CRADD: variants seen among roughly 807,000 people sequenced by gnomAD.
CRADD encodes the protein CARD and death domain containing adaptor protein, also known as death domain-containing protein CRADD.
Under a neutral mutation model 15.5 loss-of-function variants are expected in CRADD, and 9 were observed. The ratio of observed to expected loss-of-function variants is 0.58; its 90% CI spans 0.35 to 1.01. CRADD has a LOEUF of 1.01. Ranked by LOEUF, CRADD falls within the 50% of genes least tolerant of loss-of-function variation. CRADD has a pLI of 0.02. For synonymous variants in CRADD, 118 were observed against 107.6 expected (o/e 1.10, Z -0.60); for missense variants, 227 against 250.3 (o/e 0.91, Z 0.63).
rs746253043 is a variant in CRADD at position 93,846,581 on chromosome 12, AACAC to A, written c.299-3348_299-3345del. 9.1e-3 allele frequency: 1,238 copies of A among 136,718 alleles called. 8 individuals are homozygous for A. The highest frequency in any genetic ancestry group is 0.018 in the African/African-American group (641 of 35,792). The allele number at this position is 136,718 out of a possible 1,614,324, so 8.5% of individuals were successfully genotyped here. ...AAACACAATACAACGTTAAAACCAGAACACACACACACACACACACACACACACA... is the reference window on the plus strand; with the variant it reads ...AAACACAATACAACGTTAAAACCAGAACACACACACACACACACACACACA... On this transcript the variant is annotated intron_variant, in intron 2 of 2. Coordinates refer to ENST00000332896, the MANE Select transcript of CRADD (RefSeq NM_003805.5).
intron 2 of CRADD, among the ~76,000 whole-genome samples, chr12:93,756,908 C>G (rs559659519): frequency 2.0e-5 from 3 of 152,162 alleles, no homozygotes; most frequent in Non-Finnish European, 4.4e-5. Flanking sequence ...GTCTTGAGCA[C>G]TGTCTTGAGG....
At chr12:93,875,465 G>A (rs1025709237) in intron 2 of CRADD, among the ~76,000 whole-genome samples, 9 of 142,492 alleles carry the variant, frequency 6.3e-5, no homozygotes, top group Non-Finnish European at 1.0e-4. Context: ...GTTGTTTTGT[G>A]GTCTTCTCTT....
intron 2 of CRADD, among the ~76,000 whole-genome samples, chr12:93,747,411 C>G (rs1956770126): frequency 6.6e-6 from 1 of 151,760 alleles, no homozygotes; most frequent in African/African-American, 2.4e-5. Flanking sequence ...TTCCTTCTCC[C>G]TTATTCATTT....
chr12:93,892,264 A>G (rs929730672), intron 2 of CRADD, among the ~76,000 whole-genome samples: 4 of 152,090 alleles, frequency 2.6e-5, no homozygotes, highest in African/African-American at 9.7e-5. Flanking sequence ...TTAAATTTCA[A>G]TATTTTGATA....
intron 2 of CRADD, among the ~76,000 whole-genome samples, chr12:93,890,061 C>T (rs1204221645): frequency 1.3e-5 from 2 of 152,112 alleles, no homozygotes; most frequent in Non-Finnish European, 2.9e-5. Context: ...TTTTGAAAAC[C>T]GATAGTTTAG....
At chr12:93,864,703 C>T (rs1426400988) in intron 2 of CRADD, among the ~76,000 whole-genome samples, 1 of 152,150 alleles carries the variant, frequency 6.6e-6, no homozygotes, top group East Asian at 1.9e-4. Context: ...TCATGATTAA[C>T]GAAGGTCTCA....
chr12:93,713,622 G>GT (rs931236801), intron 2 of CRADD, among the ~76,000 whole-genome samples: 14 of 142,062 alleles, frequency 9.9e-5, no homozygotes, highest in East Asian at 7.0e-4. Flanking sequence ...TTTTCTTAAC[G>GT]TTTTTTTTAA....
chr12:93,781,092 A>G (rs1957205302), intron 2 of CRADD, among the ~76,000 whole-genome samples: 2 of 152,042 alleles, frequency 1.3e-5, no homozygotes, highest in Non-Finnish European at 2.9e-5. Flanking sequence ...TCTTTGAACC[A>G]TCTAGAGCAA....
chr12:93,800,385 C>T (rs745706718), intron 2 of CRADD, among the ~76,000 whole-genome samples: 8 of 152,012 alleles, frequency 5.3e-5, no homozygotes, highest in Admixed American at 2.0e-4. Context: ...TGGATGGTAC[C>T]CACCTACATT....
At chr12:93,679,665 T>C (rs1955239338) in intron 2 of CRADD, among the ~76,000 whole-genome samples, 1 of 152,192 alleles carries the variant, frequency 6.6e-6, no homozygotes, top group Admixed American at 6.5e-5. Flanking sequence ...ACCTGGCATG[T>C]CACTTGGGAA....
rs531507596 is a variant in CRADD at position 93,824,967 on chromosome 12, C to G, written c.299-25003C>G. Among the ~76,000 whole-genome samples the G allele has an allele frequency of 6.6e-6, 1 of 152,324 alleles. No individual in the cohort carries two copies. The highest frequency in any genetic ancestry group is 2.4e-5 in the African/African-American group (1 of 41,562). On this transcript the variant is annotated intron_variant, in intron 2 of 2. Coordinates refer to ENST00000332896, the MANE Select transcript of CRADD (RefSeq NM_003805.5). The surrounding 1 kb of genome is among the most constrained non-coding windows in gnomAD (Gnocchi z 4.3). ...TTTCACAAGTATATATTCATTAATA[C>G]ATGGGGCTTGTTCCAAATCGATCAT... is the stretch of plus-strand genomic sequence containing the variant.
intron 2 of CRADD, among the ~76,000 whole-genome samples, chr12:93,687,651 G>C (rs767144401): frequency 1.3e-5 from 2 of 152,182 alleles, no homozygotes; most frequent in African/African-American, 4.8e-5. Context: ...CCAAGTCGTG[G>C]CTTCCCAAAG....
chr12:93,879,593 G>A (rs540215022), intron 2 of CRADD, among the ~76,000 whole-genome samples: 2 of 152,300 alleles, frequency 1.3e-5, no homozygotes, highest in Non-Finnish European at 2.9e-5. Context: ...AGGCCAGCAG[G>A]TTGCCCTCAA....
chr12:93,700,531 C>T (rs1420084373), intron 2 of CRADD, among the ~76,000 whole-genome samples: 1 of 151,976 alleles, frequency 6.6e-6, no homozygotes, highest in African/African-American at 2.4e-5. Context: ...CCTGGGTTCA[C>T]GCCATTCTCC....
At chr12:93,747,659 G>C (rs574489583) in intron 2 of CRADD, among the ~76,000 whole-genome samples, 2 of 152,200 alleles carry the variant, frequency 1.3e-5, no homozygotes, top group African/African-American at 4.8e-5. Flanking sequence ...GTAGAGACAG[G>C]GTTTCACTAT....
At chr12:93,881,014 T>C (rs547520478) in intron 2 of CRADD, among the ~76,000 whole-genome samples, 1 of 152,344 alleles carries the variant, frequency 6.6e-6, no homozygotes, top group East Asian at 1.9e-4. Context: ...ATTCCTTTTT[T>C]GAAGCTGGAG....
intron 2 of CRADD, among the ~76,000 whole-genome samples, chr12:93,691,264 T>C (rs1034278532): frequency 6.6e-6 from 1 of 151,712 alleles, no homozygotes; most frequent in Non-Finnish European, 1.5e-5. Flanking sequence ...TCTTTTTTTT[T>C]TTTTTTGAGA....
intron 2 of CRADD, among the ~76,000 whole-genome samples, chr12:93,746,079 T>C (rs749168399): frequency 6.6e-6 from 1 of 152,160 alleles, no homozygotes; most frequent in Non-Finnish European, 1.5e-5. Flanking sequence ...TAAAATTCTA[T>C]ATGGGGCTAG....
intron 2 of CRADD, among the ~76,000 whole-genome samples, chr12:93,840,759 G>T (rs1294576973): frequency 6.6e-6 from 1 of 151,960 alleles, no homozygotes; most frequent in East Asian, 1.9e-4. Context: ...GGAGACGGGG[G>T]TTTCTCCATG....
Sources: gnomAD v4.1 joint callset for allele counts (sites outside exome capture counted in the v4.1 genomes callset) on GRCh38, gnomAD v4.1.1 for gene constraint, Gnocchi (gnomAD v3.1) non-coding constraint, MANE v1.5 for transcripts, NCBI Gene and HGNC (gene_info 2026-07-23, HGNC 2026-07-21) for gene names.